PRDM6: variants seen among roughly 807,000 people sequenced by gnomAD.
PRDM6 encodes putative histone-lysine N-methyltransferase PRDM6.
PRDM6 carries 25 observed loss-of-function variants against 60.8 expected under a neutral mutation model. That is an observed-to-expected ratio of 0.41 (90% CI 0.30 to 0.57). PRDM6 has a LOEUF of 0.57. PRDM6 is among the 20% of genes least tolerant of loss of function. PRDM6 has a pLI of 0.27. For missense variants in PRDM6, 839 were observed against 821.3 expected (o/e 1.02, Z -0.26); for synonymous variants, 407 against 357.4 (o/e 1.14, Z -1.57).
intron 3 of PRDM6, among the ~76,000 whole-genome samples, chr5:123,112,314 T>C (rs1022776257): frequency 6.6e-6 from 1 of 152,202 alleles, no homozygotes; most frequent in Non-Finnish European, 1.5e-5. Flanking sequence ...TTTCCACTTC[T>C]CCTGCCAGCC....
chr5:123,111,601 G>A (rs1339149531), intron 3 of PRDM6, among the ~76,000 whole-genome samples: 4 of 152,126 alleles, frequency 2.6e-5, no homozygotes, highest in Non-Finnish European at 5.9e-5. Context: ...GGGAGCCTGA[G>A]GCAGGAGAAT....
chr5:123,099,925 G>C lies in PRDM6; in HGVS notation c.864G>C (p.Gln288His). 6.5e-7 allele frequency: 1 copy of C among 1,538,564 alleles called. No homozygotes were observed. Among genetic ancestry groups the C allele is most frequent in the Non-Finnish European group, 8.8e-7 (1 of 1,138,732 alleles). The part of the protein sequence containing the change: ...QGVLLPPEKV[Q>H]AGAVRNTQHL... ...TGCTTCTGCCCCCAGAGAAGGTGCA[G>C]GCAGGCGCCGTGAGGAACACGCAGC... The change falls in exon 3 of 8, where the codon CAG becomes CAC. Residue 288 changes from glutamine to histidine, a missense_variant. Transcript: ENST00000407847. The surrounding 1 kb of genome is among the most constrained non-coding windows in gnomAD (Gnocchi z 4.0).
intron 3 of PRDM6, among the ~76,000 whole-genome samples, chr5:123,103,302 T>G (rs1764143157): frequency 6.6e-6 from 1 of 152,022 alleles, no homozygotes; most frequent in Non-Finnish European, 1.5e-5. Flanking sequence ...TTTGCTAGTT[T>G]CTTTTAGAAT....
chr5:123,158,782 A>G (rs745418755), intron 4 of PRDM6, among the ~76,000 whole-genome samples: 68 of 152,184 alleles, frequency 4.5e-4, no homozygotes, highest in Non-Finnish European at 5.7e-4. Context: ...TATTTGTAAT[A>G]GCAGTTCTTC....
intron 3 of PRDM6, among the ~76,000 whole-genome samples, chr5:123,130,038 GTCCTTTCCTTCCCTTCTCTT>G (rs1241715320): frequency 1.3e-4 from 14 of 105,690 alleles, no homozygotes; most frequent in East Asian, 2.7e-4. Context: ...TCCCTTCCCT[GTCCTTTCCTTCCCTTCTCTT>G]TCCTTTCCTT....
At chr5:123,098,211 C>T (rs1289196717) in intron 2 of PRDM6, among the ~76,000 whole-genome samples, 1 of 152,228 alleles carries the variant, frequency 6.6e-6, no homozygotes, top group Admixed American at 6.5e-5. Context: ...GGCAGGTACC[C>T]GGGTGCCCCG....
intron 3 of PRDM6, among the ~76,000 whole-genome samples, chr5:123,142,879 A>AAAAAAAAAAAAAAAAAAAAAAAAAAAAAC (rs1168173799): frequency 2.0e-5 from 1 of 49,440 alleles, no homozygotes; most frequent in African/African-American, 7.5e-5. Context: ...GTGAAGACCA[A>AAAAAAAAAAAAAAAAAAAAAAAAAAAAAC]AAAAAAAAAA....
At chr5:123,134,511 C>G (rs775853595) in intron 3 of PRDM6, among the ~76,000 whole-genome samples, 1 of 151,924 alleles carries the variant, frequency 6.6e-6, no homozygotes, top group Non-Finnish European at 1.5e-5. Context: ...GATGTTAGAT[C>G]CCCCCATCTA....
At chr5:123,152,906 C>T (rs1765401352) in intron 3 of PRDM6, among the ~76,000 whole-genome samples, 1 of 152,158 alleles carries the variant, frequency 6.6e-6, no homozygotes, top group South Asian at 2.1e-4. Context: ...ATTATTTCAA[C>T]CATATGTGTG....
chr5:123,112,981 G>T (rs539373367), intron 3 of PRDM6, among the ~76,000 whole-genome samples: 10 of 151,980 alleles, frequency 6.6e-5, no homozygotes, highest in African/African-American at 2.4e-4. Context: ...AGCTAAAATG[G>T]ATCTTTTCCT....
intron 6 of PRDM6, 64 bp from the exon 7 acceptor site, chr5:123,180,083 T>C (rs1037708302): frequency 1.4e-6 from 2 of 1,432,114 alleles, no homozygotes; most frequent in Non-Finnish European, 9.3e-7. Context: ...CCTTGTCATA[T>C]GATTCTGACT....
chr5:123,126,828 C>T (rs1764703973), intron 3 of PRDM6, among the ~76,000 whole-genome samples: 1 of 152,160 alleles, frequency 6.6e-6, no homozygotes, highest in Non-Finnish European at 1.5e-5. Flanking sequence ...AATCCTAGCC[C>T]CCCAGGAGTT....
At position 123,099,434 on chromosome 5, in the gene PRDM6, C is replaced by T. The variant is rs1764045261; in HGVS notation, c.593-220C>T. Among the ~76,000 whole-genome samples the T allele has an allele frequency of 6.6e-6, 1 of 152,280 alleles. No homozygotes were observed. Among genetic ancestry groups the T allele is most frequent in the East Asian group, 1.9e-4 (1 of 5,168 alleles). ...GGGAGCCTAGAGTCCTGGCCCGGTA[C>T]CAGGCAGATCTGGGTGCGGCGAATT... On this transcript the variant is annotated intron_variant, in intron 2 of 7. Transcript: ENST00000407847. The surrounding 1 kb of genome is among the most constrained non-coding windows in gnomAD (Gnocchi z 4.0).
chr5:123,145,917 A>G (rs780422362), intron 3 of PRDM6, among the ~76,000 whole-genome samples: 25 of 152,298 alleles, frequency 1.6e-4, no homozygotes, highest in South Asian at 4.1e-4. Flanking sequence ...AAGTAAAACC[A>G]TAGGAAACCA....
intron 5 of PRDM6, among the ~76,000 whole-genome samples, chr5:123,162,791 G>A (rs1035433135): frequency 1.3e-5 from 2 of 152,178 alleles, no homozygotes; most frequent in Non-Finnish European, 1.5e-5. Context: ...TCATCAGATC[G>A]TGTGGGGGAG....
intron 2 of PRDM6, among the ~76,000 whole-genome samples, chr5:123,098,202 G>A (rs1046587328): frequency 3.3e-5 from 5 of 152,240 alleles, no homozygotes; most frequent in African/African-American, 1.2e-4. Flanking sequence ...GCTGGCGGCG[G>A]CAGGTACCCG....
chr5:123,150,221 G>A (rs80193381), intron 3 of PRDM6, among the ~76,000 whole-genome samples: 7,733 of 151,980 alleles, frequency 0.051, 194 homozygotes, highest in African/African-American at 0.056. Flanking sequence ...GAAAGTCTCA[G>A]TTTCCTTAAG....
chr5:123,166,664 T>C (rs938508911), intron 5 of PRDM6, among the ~76,000 whole-genome samples: 2 of 152,234 alleles, frequency 1.3e-5, no homozygotes, highest in Non-Finnish European at 2.9e-5. Context: ...CCTATATCCA[T>C]GGTGCCTAGC....
chr5:123,111,750 C>A (rs541381205), intron 3 of PRDM6, among the ~76,000 whole-genome samples: 1 of 151,966 alleles, frequency 6.6e-6, no homozygotes, highest in Non-Finnish European at 1.5e-5. Flanking sequence ...CTCTTCCTTG[C>A]CCCTTGTGGT....
Sources: allele counts gnomAD v4.1 joint callset (sites outside exome capture counted in the v4.1 genomes callset), GRCh38; gene constraint gnomAD v4.1.1; non-coding constraint Gnocchi (gnomAD v3.1); transcripts MANE v1.5; gene names NCBI Gene and HGNC (gene_info 2026-07-23, HGNC 2026-07-21).